The following KCNJ15 variants were observed in gnomAD, a reference collection of about 807,000 sequenced individuals.
The protein encoded by KCNJ15 is ATP-sensitive inward rectifier potassium channel 15.
In KCNJ15, 14 loss-of-function variants were observed where a neutral mutation model predicts 23.0. The ratio of observed to expected loss-of-function variants is 0.61; its 90% CI spans 0.40 to 0.95. The LOEUF is 0.95. KCNJ15 is among the 40% of genes least tolerant of loss of function. The pLI is 0.00. For missense variants in KCNJ15, 388 were observed against 461.8 expected (o/e 0.84, Z 1.46); for synonymous variants, 185 against 183.2 (o/e 1.01, Z -0.08).
At chr21:38,296,192 AATAG>A (rs573868792) in intron 1 of KCNJ15, among the ~76,000 whole-genome samples, 60 of 152,320 alleles carry the variant, frequency 3.9e-4, no homozygotes, top group African/African-American at 1.2e-3. Context: ...ACCGGTAATA[AATAG>A]ATAGATAATT....
At chr21:38,234,441 G>A (rs1334903795) in intron 1 of KCNJ15, among the ~76,000 whole-genome samples, 1 of 152,154 alleles carries the variant, frequency 6.6e-6, no homozygotes, top group Non-Finnish European at 1.5e-5. Flanking sequence ...GTTCCTGGCC[G>A]ACTAAAGAGA....
chr21:38,254,754 C>T (rs1399398763), upstream of KCNJ15, among the ~76,000 whole-genome samples: 2 of 152,190 alleles, frequency 1.3e-5, no homozygotes, highest in Non-Finnish European at 2.9e-5. Context: ...CTTCCATCTC[C>T]TTGCCCTTAA....
chr21:38,280,341 G>GCA (rs1179274099), intron 1 of KCNJ15, among the ~76,000 whole-genome samples: 2 of 152,224 alleles, frequency 1.3e-5, no homozygotes, highest in African/African-American at 4.8e-5. Context: ...TCATAATAGG[G>GCA]CACACATACA....
At position 38,263,516 on chromosome 21, in the gene KCNJ15, T is replaced by C. The variant is rs142488562; in HGVS notation, c.-117+6331T>C. Among the ~76,000 whole-genome samples, 61 of 152,344 alleles carry C rather than the reference T, an allele frequency of 4.0e-4. 1 individual carries two copies. The South Asian group carries it at 8.3e-3, about 21-fold the overall frequency. ...ACATTTTAAAAACCCCAAGAAGTTC[T>C]GCAGCAAAGACGTTCTTTAACTTTG... On this transcript the variant is annotated intron_variant, in intron 1 of 2. Transcript: ENST00000398938.
At chr21:38,242,491 T>C (rs1244189075) in intron 1 of KCNJ15, among the ~76,000 whole-genome samples, 1 of 152,146 alleles carries the variant, frequency 6.6e-6, no homozygotes, top group Admixed American at 6.5e-5. Flanking sequence ...GCAAAGAGTT[T>C]AAAGAGGTGG....
At chr21:38,233,197 A>AT (rs1344525836) in intron 1 of KCNJ15, among the ~76,000 whole-genome samples, 1 of 151,970 alleles carries the variant, frequency 6.6e-6, no homozygotes, top group Admixed American at 6.6e-5. Flanking sequence ...TATCATTATT[A>AT]TGTGTCTTCC....
intron 1 of KCNJ15, among the ~76,000 whole-genome samples, chr21:38,251,072 G>A (rs1050884310): frequency 5.3e-5 from 8 of 152,170 alleles, no homozygotes; most frequent in African/African-American, 1.7e-4. Context: ...AAGCCAGCAT[G>A]CCACACATTG....
At chr21:38,253,219 T>C (rs1317888277), upstream of KCNJ15, among the ~76,000 whole-genome samples, 3 of 152,204 alleles carry the variant, frequency 2.0e-5, no homozygotes, top group Non-Finnish European at 2.9e-5. Flanking sequence ...AGTACTACTT[T>C]AATAAATTGC....
At position 38,277,255 on chromosome 21, in the gene KCNJ15, G is replaced by A. The variant is rs180819766; in HGVS notation, c.-116-19671G>A. On this transcript the variant is annotated intron_variant, in intron 1 of 2. Coordinates refer to ENST00000398938, the MANE Select transcript of KCNJ15 (RefSeq NM_170736.3). ...ATGGGAAGAATTGAGGAGGATTAGG[G>A]GAGCACTTGACTTTGCCATGATTCT... 2.0e-5 allele frequency among the ~76,000 whole-genome samples: 3 copies of A among 152,222 alleles called. No individual in the cohort carries two copies. In the East Asian group the frequency reaches 5.8e-4, roughly 29 times the overall value.
chr21:38,279,003 G>T (rs571961458), intron 1 of KCNJ15, among the ~76,000 whole-genome samples: 3 of 152,196 alleles, frequency 2.0e-5, no homozygotes, highest in African/African-American at 7.2e-5. Context: ...AGCCTGTGCT[G>T]TCATGCAAGA....
chr21:38,278,315 G>T (rs1982957227), intron 1 of KCNJ15, among the ~76,000 whole-genome samples: 1 of 152,202 alleles, frequency 6.6e-6, no homozygotes, highest in African/African-American at 2.4e-5. Context: ...GCTGGCTTTT[G>T]AGTCAGACTA....
rs117708546 is a variant in KCNJ15, at chr21:38,277,240, T to C, written c.-116-19686T>C. Among the ~76,000 whole-genome samples, 353 of 152,298 alleles carry C rather than the reference T, an allele frequency of 2.3e-3. 9 individuals carry two copies. Among genetic ancestry groups the C allele is most frequent in the Admixed American group, 0.019 (291 of 15,286 alleles). ...AACATTTGATGGCTGATGGGAAGAA[T>C]TGAGGAGGATTAGGGGAGCACTTGA... On this transcript the variant is annotated intron_variant, in intron 1 of 2. Transcript: ENST00000398938.
chr21:38,269,496 C>G (rs967385537), intron 1 of KCNJ15, among the ~76,000 whole-genome samples: 1 of 152,066 alleles, frequency 6.6e-6, no homozygotes, highest in African/African-American at 2.4e-5. Context: ...TCTTTCATTT[C>G]TGTTAAAAAT....
At chr21:38,287,506 A>G (rs1984041927) in intron 1 of KCNJ15, among the ~76,000 whole-genome samples, 2 of 152,264 alleles carry the variant, frequency 1.3e-5, no homozygotes, top group Non-Finnish European at 1.5e-5. Context: ...TAAATAGTAC[A>G]TATGTATCTC....
intron 1 of KCNJ15, among the ~76,000 whole-genome samples, chr21:38,259,400 C>A (rs988155340): frequency 6.6e-6 from 1 of 152,180 alleles, no homozygotes; most frequent in African/African-American, 2.4e-5. Context: ...CCTCCCTAAT[C>A]ATTTTCTTCA....
At chr21:38,231,492 G>A (rs1296334421) in intron 1 of KCNJ15, among the ~76,000 whole-genome samples, 1 of 151,920 alleles carries the variant, frequency 6.6e-6, no homozygotes, top group South Asian at 2.1e-4. Context: ...TAGAAGTAGT[G>A]AGAGTGGACA....
chr21:38,292,013 A>G (rs1274422955), intron 1 of KCNJ15, among the ~76,000 whole-genome samples: 1 of 152,208 alleles, frequency 6.6e-6, no homozygotes, highest in Non-Finnish European at 1.5e-5. Context: ...TGCTTAATCT[A>G]TAATGGATGC....
chr21:38,246,754 T>A (rs1979397018), intron 1 of KCNJ15, among the ~76,000 whole-genome samples: 1 of 152,028 alleles, frequency 6.6e-6, no homozygotes, highest in Admixed American at 6.6e-5. Flanking sequence ...GTATGAGGAG[T>A]GTGTGTGTGG....
rs1346616965 is a variant in KCNJ15 at position 38,307,121 on chromosome 21, G to A, written c.*6732G>A. On this transcript the variant is annotated 3_prime_UTR_variant, in exon 3 of 3. Coordinates refer to ENST00000398938, the MANE Select transcript of KCNJ15 (RefSeq NM_170736.3). ...TTTCTCAAGGCTGAGCTACTATTTG[G>A]TGCATGTCGGAAATCTCACACTAAC... 1.3e-5 allele frequency: 2 copies of A among 152,154 alleles called. No homozygotes were observed. The highest frequency in any genetic ancestry group is 2.9e-5 in the Non-Finnish European group (2 of 68,034). 9.4% of individuals were successfully genotyped at this position (152,154 alleles called of 1,614,324 possible).
Sources: gnomAD v4.1 joint callset for allele counts (sites outside exome capture counted in the v4.1 genomes callset) on GRCh38, gnomAD v4.1.1 for gene constraint, MANE v1.5 for transcripts, NCBI Gene and HGNC (gene_info 2026-07-23, HGNC 2026-07-21) for gene names.